Variants in CBL observed in about 807,000 individuals in gnomAD.
The protein encoded by CBL is E3 ubiquitin-protein ligase CBL.
A neutral mutation model predicts 96.9 loss-of-function variants in CBL; 45 were observed. The ratio of observed to expected loss-of-function variants is 0.46; its 90% CI spans 0.37 to 0.60. The LOEUF (loss-of-function observed/expected upper bound fraction) is 0.60. Ranked by LOEUF, CBL falls within the 20% of genes least tolerant of loss-of-function variation. The probability of loss-of-function intolerance (pLI) is 0.00; values close to 1 mark genes in which losing one functional copy is unlikely to be tolerated. For missense variants in CBL, 1,024 were observed against 1,143.5 expected (o/e 0.90, Z 1.51); for synonymous variants, 420 against 426.8 (o/e 0.98, Z 0.20).
At chr11:119,277,241 G>GCGCACACACACACACACACA (rs1035208999) in intron 6 of CBL, among the ~76,000 whole-genome samples, 3 of 146,492 alleles carry the variant, frequency 2.0e-5, no homozygotes, top group African/African-American at 7.6e-5. Context: ...AATCTGTCGC[G>GCGCACACACACACACACACA]CACACACACA....
intron 1 of CBL, among the ~76,000 whole-genome samples, chr11:119,225,333 G>A (rs1280569062): frequency 6.6e-6 from 1 of 152,046 alleles, no homozygotes; most frequent in African/African-American, 2.4e-5. Context: ...CTGACGTCAG[G>A]TGATTCTCCC....
intron 1 of CBL, 85 bp downstream of exon 1, chr11:119,206,697 G>T: frequency 3.5e-6 from 5 of 1,410,110 alleles, no homozygotes; most frequent in Non-Finnish European, 4.8e-6. Flanking sequence ...CGGAGGAAGC[G>T]GGGGAGGGGA....
At position 119,306,854 on chromosome 11, in the gene CBL, C is replaced by A. The variant is rs540606852; in HGVS notation, c.*7073C>A. ...CATGGCAGCTATGAGGCACCTCCTA[C>A]GTCTGTTTTCTGGCTGTGGTGACTT... On this transcript the variant is annotated 3_prime_UTR_variant, in exon 16 of 16. Coordinates refer to ENST00000264033, the MANE Select transcript of CBL (RefSeq NM_005188.4). 3 of 232,464 alleles carry A rather than the reference C, an allele frequency of 1.3e-5. No homozygotes were observed. The highest frequency in any genetic ancestry group is 6.6e-5 in the African/African-American group (3 of 45,168). The allele number at this position is 232,464 out of a possible 1,614,324, so 14.4% of individuals were successfully genotyped here.
rs142227211 is a variant in CBL at position 119,249,005 on chromosome 11, TG to T, written c.443+16312del. On this transcript the variant is annotated intron_variant, in intron 2 of 15. Transcript: ENST00000264033. ...ATGCATTGGTGATAGGAATAGAAAA[TG>T]GTACAGCCACTGTGGGAAACAGTTT... Among the ~76,000 whole-genome samples the T allele has an allele frequency of 7.7e-3, 1,177 of 152,252 alleles. 10 individuals are homozygous for T. Among genetic ancestry groups the T allele is most frequent in the African/African-American group, 0.027 (1,101 of 41,538 alleles).
chr11:119,295,911 A>G (rs1950059749), intron 12 of CBL, among the ~76,000 whole-genome samples: 1 of 152,164 alleles, frequency 6.6e-6, no homozygotes, highest in Non-Finnish European at 1.5e-5. Context: ...GTAGATACCA[A>G]TACACTTCTG....
At position 119,261,037 on chromosome 11, in the gene CBL, C is replaced by T. The variant is rs567396118; in HGVS notation, c.444-10698C>T. On this transcript the variant is annotated intron_variant, in intron 2 of 15. Coordinates refer to ENST00000264033, the MANE Select transcript of CBL (RefSeq NM_005188.4). ...AAGCGATTCTGATGCCTCAGCTATC[C>T]GAGTAGCTGGGATTACAGGTGTGCG... 2.0e-3 allele frequency among the ~76,000 whole-genome samples: 296 copies of T among 147,954 alleles called. 1 individual carries two copies. Among genetic ancestry groups the T allele is most frequent in the African/African-American group, 7.0e-3 (279 of 39,776 alleles).
At chr11:119,293,164 G>T (rs1445829981) in intron 12 of CBL, among the ~76,000 whole-genome samples, 1 of 151,732 alleles carries the variant, frequency 6.6e-6, no homozygotes, top group Non-Finnish European at 1.5e-5. Context: ...GAGTGCAGTG[G>T]TGCAGTCTCG....
At chr11:119,213,796 G>A (rs1949336742) in intron 1 of CBL, among the ~76,000 whole-genome samples, 2 of 148,258 alleles carry the variant, frequency 1.3e-5, no homozygotes, top group African/African-American at 5.0e-5. Flanking sequence ...ATCCTTAAGC[G>A]TCTGGGCTCA....
chr11:119,288,701 C>T (rs1051456547), intron 12 of CBL, among the ~76,000 whole-genome samples: 21 of 152,150 alleles, frequency 1.4e-4, no homozygotes, highest in African/African-American at 4.3e-4. Context: ...ACCCTTGGCC[C>T]TGTGGAACCA....
At chr11:119,233,097 GA>G (rs1432027441) in intron 2 of CBL, among the ~76,000 whole-genome samples, 1 of 152,012 alleles carries the variant, frequency 6.6e-6, no homozygotes, top group Admixed American at 6.6e-5. Context: ...GATAATAGGG[GA>G]AAAAGCCACT....
chr11:119,250,203 C>G (rs529555217), intron 2 of CBL, among the ~76,000 whole-genome samples: 1 of 152,282 alleles, frequency 6.6e-6, no homozygotes, highest in Non-Finnish European at 1.5e-5. Flanking sequence ...CCTTGTGAGG[C>G]AGGACCAAAA....
chr11:119,214,492 G>T (rs923627314), intron 1 of CBL, among the ~76,000 whole-genome samples: 1 of 152,070 alleles, frequency 6.6e-6, no homozygotes, highest in Non-Finnish European at 1.5e-5. Flanking sequence ...CAAGTGACTC[G>T]CCCACTGCGA....
At chr11:119,230,875 A>G (rs1364417875) in intron 1 of CBL, among the ~76,000 whole-genome samples, 1 of 152,264 alleles carries the variant, frequency 6.6e-6, no homozygotes, top group Non-Finnish European at 1.5e-5. Context: ...TATGACAAAC[A>G]CAAAATGGAC....
chr11:119,282,295 A>G (rs534819848), intron 9 of CBL, among the ~76,000 whole-genome samples: 38 of 151,882 alleles, frequency 2.5e-4, no homozygotes, highest in Non-Finnish European at 1.8e-4. Context: ...CTGAGATCGC[A>G]CTATTTCACT....
intron 2 of CBL, among the ~76,000 whole-genome samples, chr11:119,267,135 T>A (rs1387335330): frequency 6.6e-6 from 1 of 152,218 alleles, no homozygotes; most frequent in Admixed American, 6.5e-5. Context: ...CATGGACTTT[T>A]GTAAATTCAT....
At chr11:119,286,688 A>G (rs1949987008) in intron 11 of CBL, among the ~76,000 whole-genome samples, 1 of 152,178 alleles carries the variant, frequency 6.6e-6, no homozygotes, top group Admixed American at 6.5e-5. Context: ...TTTGTATGGT[A>G]GGAAATGAAG....
intron 2 of CBL, among the ~76,000 whole-genome samples, chr11:119,235,474 A>G (rs1949538254): frequency 6.6e-6 from 1 of 152,198 alleles, no homozygotes; most frequent in African/African-American, 2.4e-5. Flanking sequence ...GTGGAAATGG[A>G]TCCTCATAAA....
chr11:119,275,047 G>A (rs984716445), intron 5 of CBL, 94 bp downstream of exon 5: 9 of 1,345,006 alleles, frequency 6.7e-6, no homozygotes, highest in South Asian at 2.4e-5. Flanking sequence ...AATTAGTTTC[G>A]CAATAGCCAA....
chr11:119,241,116 T>C (rs147115876), intron 2 of CBL, among the ~76,000 whole-genome samples: 54 of 152,264 alleles, frequency 3.5e-4, no homozygotes, highest in African/African-American at 1.3e-3. Context: ...TAATTCTATC[T>C]ATTATTGTAT....
Sources: gnomAD v4.1 joint callset for allele counts (sites outside exome capture counted in the v4.1 genomes callset) on GRCh38, gnomAD v4.1.1 for gene constraint, MANE v1.5 for transcripts, NCBI Gene and HGNC (gene_info 2026-07-23, HGNC 2026-07-21) for gene names.